The following ATG7 variants were observed in gnomAD, a reference collection of about 807,000 sequenced individuals.
ATG7 encodes the protein ubiquitin-like modifier-activating enzyme ATG7.
Under a neutral mutation model 82.4 loss-of-function variants are expected in ATG7, and 70 were observed. That is an observed-to-expected ratio of 0.85 (90% CI 0.70 to 1.04). The LOEUF is 1.04. ATG7 is among the 50% of genes least tolerant of loss of function. The pLI is 0.00. For synonymous variants in ATG7, 287 were observed against 313.0 expected (o/e 0.92, Z 0.88); for missense variants, 792 against 864.3 (o/e 0.92, Z 1.05).
At chr3:11,325,639 C>A (rs1252886251) in intron 9 of ATG7, among the ~76,000 whole-genome samples, 4 of 151,698 alleles carry the variant, frequency 2.6e-5, no homozygotes, top group Non-Finnish European at 5.9e-5. Context: ...CCATTGCATT[C>A]CAGCCTGGGC....
At chr3:11,285,670 A>T (rs1249579872) in intron 3 of ATG7, among the ~76,000 whole-genome samples, 1 of 152,134 alleles carries the variant, frequency 6.6e-6, no homozygotes. Flanking sequence ...CACCATTCTA[A>T]CTTCTGTCAG....
At chr3:11,321,177 C>T (rs1950166934) in intron 9 of ATG7, among the ~76,000 whole-genome samples, 1 of 152,200 alleles carries the variant, frequency 6.6e-6, no homozygotes, top group Admixed American at 6.5e-5. Context: ...AGAGTGCTGA[C>T]ATGCTTGGAG....
chr3:11,361,450 A>G (rs2076278346), intron 16 of ATG7, among the ~76,000 whole-genome samples: 1 of 151,678 alleles, frequency 6.6e-6, no homozygotes, highest in African/African-American at 2.4e-5. Flanking sequence ...ATGCCCAGCT[A>G]ATTTTTGTAT....
chr3:11,319,903 C>A (rs775249025), intron 9 of ATG7, among the ~76,000 whole-genome samples: 1 of 152,238 alleles, frequency 6.6e-6, no homozygotes, highest in Non-Finnish European at 1.5e-5. Flanking sequence ...GTGGGCCTCT[C>A]CAGTTCATTC....
the ATG7 span, among the ~76,000 whole-genome samples, chr3:11,566,227 C>T: frequency 6.6e-6 from 1 of 151,820 alleles, no homozygotes; most frequent in East Asian, 1.9e-4. Context: ...CACACACGCA[C>T]ACCACACACA....
At chr3:11,510,939 G>T (rs1416417431) in intron 20 of ATG7, among the ~76,000 whole-genome samples, 1 of 152,140 alleles carries the variant, frequency 6.6e-6, no homozygotes, top group Non-Finnish European at 1.5e-5. Context: ...GACCCTCGCG[G>T]TGAGTGTTAC....
At chr3:11,518,908 G>A (rs188984797) in intron 20 of ATG7, among the ~76,000 whole-genome samples, 209 of 152,120 alleles carry the variant, frequency 1.4e-3, no homozygotes, top group Middle Eastern at 0.01. Context: ...GTAAATGAAG[G>A]AAAAAGACCT....
intron 13 of ATG7, among the ~76,000 whole-genome samples, chr3:11,342,970 C>T (rs927063281): frequency 3.3e-5 from 5 of 151,572 alleles, no homozygotes; most frequent in African/African-American, 1.2e-4. Flanking sequence ...CACTCTGTCA[C>T]CCAGGCTGGA....
chr3:11,300,497 A>T (rs1946623697), intron 5 of ATG7, among the ~76,000 whole-genome samples: 1 of 152,158 alleles, frequency 6.6e-6, no homozygotes, highest in Non-Finnish European at 1.5e-5. Context: ...CAGGAGGGGG[A>T]TACAAATTTA....
chr3:11,316,133 A>G (rs541582134), intron 9 of ATG7, among the ~76,000 whole-genome samples: 8 of 152,180 alleles, frequency 5.3e-5, no homozygotes, highest in African/African-American at 1.7e-4. Context: ...GGCCCCTCAT[A>G]TCACACTCCT....
downstream of ATG7, among the ~76,000 whole-genome samples, chr3:11,560,161 C>CT (rs1054514984): frequency 1.3e-5 from 2 of 152,210 alleles, no homozygotes; most frequent in Non-Finnish European, 2.9e-5. Context: ...ACCACCACCG[C>CT]TTTTCACTCC....
intron 1 of ATG7, among the ~76,000 whole-genome samples, chr3:11,277,819 A>C (rs1330366128): frequency 6.7e-6 from 1 of 149,952 alleles, no homozygotes; most frequent in Non-Finnish European, 1.5e-5. Flanking sequence ...AGGGTACTGC[A>C]GGAGAACAGG....
chr3:11,452,940 A>G (rs983990648), intron 20 of ATG7, among the ~76,000 whole-genome samples: 6 of 152,192 alleles, frequency 3.9e-5, no homozygotes, highest in Non-Finnish European at 5.9e-5. Context: ...CTGGAAGTGC[A>G]CGATTCCGTG....
chr3:11,511,412 C>T (rs557280475), intron 20 of ATG7, among the ~76,000 whole-genome samples: 6 of 152,310 alleles, frequency 3.9e-5, no homozygotes, highest in Non-Finnish European at 7.4e-5. Flanking sequence ...TACAGAGTGT[C>T]GACTGGTGCA....
At chr3:11,465,178 C>G in intron 20 of ATG7, among the ~76,000 whole-genome samples, 1 of 151,686 alleles carries the variant, frequency 6.6e-6, no homozygotes, top group Non-Finnish European at 1.5e-5. Context: ...GAGCCTGGGC[C>G]GGGCACAGTG....
chr3:11,377,835 T>C (rs1030330531), intron 18 of ATG7, among the ~76,000 whole-genome samples: 8 of 152,118 alleles, frequency 5.3e-5, no homozygotes, highest in Admixed American at 5.2e-4. Context: ...CATTTGTGAC[T>C]TGCTATTAAA....
rs1276716491 is a variant in ATG7, at chr3:11,556,854, G to C, written c.*2011G>C. 1 of 152,764 alleles carries C rather than the reference G, an allele frequency of 6.5e-6. No individual in the cohort carries two copies. The highest frequency in any genetic ancestry group is 1.9e-4 in the East Asian group (1 of 5,332). The allele number at this position is 152,764 out of a possible 1,614,324, so 9.5% of individuals were successfully genotyped here. On this transcript the variant is annotated 3_prime_UTR_variant, in exon 21 of 21. Coordinates refer to ENST00000693202, the MANE Select transcript of ATG7 (RefSeq NM_001349232.2). ...CCAAAGCTTGGAAGCCCAGTACAGT[G>C]GGAGTGAAATGTGTGCGGGGCAAGG...
intron 11 of ATG7, among the ~76,000 whole-genome samples, chr3:11,336,001 G>T (rs984816098): frequency 6.7e-6 from 1 of 150,266 alleles, no homozygotes; most frequent in Non-Finnish European, 1.5e-5. Context: ...CTCCCAAAGT[G>T]CTGGGACTAC....
chr3:11,492,589 GTGAA>G (rs1264237888), intron 20 of ATG7, among the ~76,000 whole-genome samples: 2 of 152,268 alleles, frequency 1.3e-5, no homozygotes, highest in East Asian at 3.8e-4. Context: ...GAGGGAGCAC[GTGAA>G]TGAATAAGTT....
Sources: allele counts gnomAD v4.1 joint callset (sites outside exome capture counted in the v4.1 genomes callset), GRCh38; gene constraint gnomAD v4.1.1; transcripts MANE v1.5; gene names NCBI Gene and HGNC (gene_info 2026-07-23, HGNC 2026-07-21).